Variants in BMPR2 observed in about 807,000 individuals in gnomAD.
BMPR2 encodes the protein bone morphogenetic protein receptor type-2.
Under a neutral mutation model 100.8 loss-of-function variants are expected in BMPR2, and 29 were observed. The observed-to-expected ratio is 0.29, with a 90% confidence interval of 0.21 to 0.39. The LOEUF is 0.39. Ranked by LOEUF, BMPR2 falls within the 10% of genes least tolerant of loss-of-function variation. The probability of loss-of-function intolerance (pLI) is 1.00; values close to 1 mark genes in which losing one functional copy is unlikely to be tolerated. For missense variants in BMPR2, 1,011 were observed against 1,274.5 expected (o/e 0.79, Z 3.15); for synonymous variants, 382 against 442.3 (o/e 0.86, Z 1.71).
At chr2:202,531,550 T>C (rs1688028872) in intron 8 of BMPR2, among the ~76,000 whole-genome samples, 1 of 152,234 alleles carries the variant, frequency 6.6e-6, no homozygotes, top group Non-Finnish European at 1.5e-5. Context: ...GTGTGGAACG[T>C]ATCCTTCCCA....
chr2:202,390,075 TA>T (rs1690516654), intron 1 of BMPR2, among the ~76,000 whole-genome samples: 1 of 152,116 alleles, frequency 6.6e-6, no homozygotes, highest in African/African-American at 2.4e-5. Context: ...AGTTGGTGTA[TA>T]ATCTTTAATG....
At chr2:202,382,435 C>T (rs528457399) in intron 1 of BMPR2, among the ~76,000 whole-genome samples, 3 of 152,248 alleles carry the variant, frequency 2.0e-5, no homozygotes, top group Middle Eastern at 3.4e-3. Flanking sequence ...AGCTGATCCA[C>T]CCACCTTGGC....
At chr2:202,483,215 G>T (rs1275064593) in intron 3 of BMPR2, among the ~76,000 whole-genome samples, 1 of 151,930 alleles carries the variant, frequency 6.6e-6, no homozygotes, top group Non-Finnish European at 1.5e-5. Context: ...TTTGTTTTAT[G>T]TTGTTAAGTT....
At chr2:202,383,970 G>A (rs975008139) in intron 1 of BMPR2, among the ~76,000 whole-genome samples, 2 of 152,018 alleles carry the variant, frequency 1.3e-5, no homozygotes, top group Admixed American at 6.6e-5. Context: ...TTAGGAGTTT[G>A]AGACCAGCCT....
chr2:202,470,011 G>T (rs1313564476), intron 3 of BMPR2, among the ~76,000 whole-genome samples: 2 of 152,180 alleles, frequency 1.3e-5, no homozygotes, highest in Non-Finnish European at 2.9e-5. Flanking sequence ...TGTGGGCAAA[G>T]CAATTCTGAA....
At chr2:202,476,646 G>T (rs1279294685) in intron 3 of BMPR2, among the ~76,000 whole-genome samples, 2 of 152,104 alleles carry the variant, frequency 1.3e-5, no homozygotes, top group Non-Finnish European at 2.9e-5. Flanking sequence ...ATAATTAGCT[G>T]GGTGTGGTGG....
At chr2:202,469,804 A>G (rs779885504) in intron 3 of BMPR2, among the ~76,000 whole-genome samples, 3 of 152,142 alleles carry the variant, frequency 2.0e-5, no homozygotes, top group African/African-American at 7.2e-5. Context: ...TCATATTACT[A>G]TAATAACTAC....
At chr2:202,533,521 C>T (rs1217895123) in intron 9 of BMPR2, among the ~76,000 whole-genome samples, 1 of 150,880 alleles carries the variant, frequency 6.6e-6, no homozygotes, top group Non-Finnish European at 1.5e-5. Context: ...GAGCAAAACT[C>T]TGTCTCAAAA....
rs542251325 is a variant in BMPR2, at chr2:202,524,089, G to A, written c.967+3888G>A. Among the ~76,000 whole-genome samples the A allele has an allele frequency of 9.3e-4, 141 of 152,224 alleles. 1 individual carries two copies. Among genetic ancestry groups the A allele is most frequent in the African/African-American group, 3.2e-3 (131 of 41,554 alleles). ...TAAAAACTAACTGTTGGGGCCGGAC[G>A]CGGTGGCTCACGCCTGTAATCCCAG... On this transcript the variant is annotated intron_variant, in intron 7 of 12. Coordinates refer to ENST00000374580, the MANE Select transcript of BMPR2 (RefSeq NM_001204.7).
intron 9 of BMPR2, among the ~76,000 whole-genome samples, chr2:202,534,875 G>A (rs1420001101): frequency 1.2e-4 from 18 of 145,416 alleles, no homozygotes; most frequent in African/African-American, 4.1e-4. Context: ...CCTCCCTCCC[G>A]GACGGGGCGG....
intron 7 of BMPR2, among the ~76,000 whole-genome samples, chr2:202,525,222 GT>G (rs913232132): frequency 6.6e-6 from 1 of 151,068 alleles, no homozygotes; most frequent in African/African-American, 2.4e-5. Flanking sequence ...GTTGTTTTTT[GT>G]TTTTTTTGAG....
chr2:202,416,841 CT>C lies in BMPR2; in HGVS notation c.76+39304del, dbSNP rs1440014293. On this transcript the variant is annotated intron_variant, in intron 1 of 12. Transcript: ENST00000374580. Reference sequence around the variant, plus strand: ...AAAGGACTTTTTTCTTTTTCTTTTTCTTTTTTTTTTTTTGAGACAGAGTCTT... The same window carrying C: ...AAAGGACTTTTTTCTTTTTCTTTTTCTTTTTTTTTTTTGAGACAGAGTCTT... Among the ~76,000 whole-genome samples, 1,172 of 139,526 alleles carry C rather than the reference CT, an allele frequency of 8.4e-3. 15 individuals are homozygous for C. Among genetic ancestry groups the C allele is most frequent in the African/African-American group, 0.023 (884 of 38,388 alleles). 91.5% of individuals were successfully genotyped at this position (139,526 alleles called of 152,430 possible).
At chr2:202,418,022 A>C (rs1691173918) in intron 1 of BMPR2, among the ~76,000 whole-genome samples, 1 of 151,918 alleles carries the variant, frequency 6.6e-6, no homozygotes, top group Admixed American at 6.6e-5. Context: ...CTGGCCCGTC[A>C]TGTTTTTTTT....
Position 202,511,575 on chromosome 2 carries a change from A to C in BMPR2, c.419-2144A>C, listed in dbSNP as rs186071145. Among the ~76,000 whole-genome samples, 66 of 149,090 alleles carry C rather than the reference A, an allele frequency of 4.4e-4. 1 individual carries two copies. The highest frequency in any genetic ancestry group is 8.8e-4 in the Admixed American group (13 of 14,822). On this transcript the variant is annotated intron_variant, in intron 3 of 12. Coordinates refer to ENST00000374580, the MANE Select transcript of BMPR2 (RefSeq NM_001204.7). ...ATCCACATCCTTGCCAGCGCTTTTT[A>C]TTTTCTTTTTTTTTAATTGTAGCCA...
intron 11 of BMPR2, among the ~76,000 whole-genome samples, chr2:202,554,849 C>G (rs1170273185): frequency 6.6e-6 from 1 of 152,132 alleles, no homozygotes; most frequent in Non-Finnish European, 1.5e-5. Context: ...CACTATGCAT[C>G]TAGAATTATG....
At chr2:202,490,137 G>A (rs1692870794) in intron 3 of BMPR2, among the ~76,000 whole-genome samples, 3 of 152,116 alleles carry the variant, frequency 2.0e-5, no homozygotes, top group African/African-American at 7.2e-5. Flanking sequence ...ATTTCTGCTC[G>A]CCTTATATTT....
chr2:202,448,924 GGTGTGTGTGTGTGTGTGTGT>G (rs55680029), intron 1 of BMPR2, among the ~76,000 whole-genome samples: 6 of 142,928 alleles, frequency 4.2e-5, no homozygotes, highest in Non-Finnish European at 9.1e-5. Context: ...GTTTAGAATT[GGTGTGTGTGTGTGTGTGTGT>G]GTGTGTGTGT....
intron 10 of BMPR2, among the ~76,000 whole-genome samples, chr2:202,543,378 A>G (rs1184747615): frequency 6.6e-6 from 1 of 150,964 alleles, no homozygotes; most frequent in Non-Finnish European, 1.5e-5. Flanking sequence ...CACTCATATA[A>G]TCTTTTAGTA....
At chr2:202,383,238 C>A (rs1296816164) in intron 1 of BMPR2, among the ~76,000 whole-genome samples, 1 of 152,088 alleles carries the variant, frequency 6.6e-6, no homozygotes, top group Non-Finnish European at 1.5e-5. Flanking sequence ...CGAGACCAGC[C>A]CTGCTGTACA....
Sources: allele counts gnomAD v4.1 joint callset (sites outside exome capture counted in the v4.1 genomes callset), GRCh38; gene constraint gnomAD v4.1.1; transcripts MANE v1.5; gene names NCBI Gene and HGNC (gene_info 2026-07-23, HGNC 2026-07-21).